The following ADAMTS19 variants were observed in gnomAD, a reference collection of about 807,000 sequenced individuals.
ADAMTS19 encodes ADAM metallopeptidase with thrombospondin type 1 motif 19.
A neutral mutation model predicts 153.3 loss-of-function variants in ADAMTS19; 93 were observed. The ratio of observed to expected loss-of-function variants is 0.61; its 90% CI spans 0.51 to 0.72. The LOEUF (loss-of-function observed/expected upper bound fraction) is 0.72, where lower values mean the gene tolerates loss of function less well. Among genes scored for constraint, ADAMTS19 ranks in the 30% least tolerant of loss-of-function variants. The pLI is 0.00. For missense variants in ADAMTS19, 1,482 were observed against 1,552.1 expected, an observed-to-expected ratio of 0.95 and a Z score of 0.76; for synonymous variants, 600 against 556.6, an observed-to-expected ratio of 1.08 and a Z score of -1.10.
intron 19 of ADAMTS19, among the ~76,000 whole-genome samples, chr5:129,698,278 C>T (rs544957559): frequency 5.3e-5 from 8 of 152,248 alleles, no homozygotes; most frequent in Non-Finnish European, 1.0e-4. Context: ...TGAACATGGG[C>T]AATTATTAAG....
At chr5:129,638,564 CACACACACACAT>C (rs150596148) in intron 10 of ADAMTS19, among the ~76,000 whole-genome samples, 28,507 of 125,166 alleles carry the variant, frequency 0.23, 2,810 homozygotes, top group African/African-American at 0.33. Flanking sequence ...CTCTGTCTCA[CACACACACACAT>C]ACACACACAC....
chr5:129,516,434 C>T (rs2126738565), intron 3 of ADAMTS19, among the ~76,000 whole-genome samples: 1 of 151,738 alleles, frequency 6.6e-6, no homozygotes, highest in South Asian at 2.1e-4. Flanking sequence ...GGGTCCTGGA[C>T]TTGACTTTAC....
intron 16 of ADAMTS19, among the ~76,000 whole-genome samples, chr5:129,666,611 A>G (rs1489997962): frequency 6.6e-6 from 1 of 152,180 alleles, no homozygotes; most frequent in African/African-American, 2.4e-5. Context: ...ATTTGAGGAA[A>G]GGGGACTGTA....
At chr5:129,592,418 C>T (rs1307664757) in intron 7 of ADAMTS19, among the ~76,000 whole-genome samples, 1 of 150,038 alleles carries the variant, frequency 6.7e-6, no homozygotes, top group African/African-American at 2.5e-5. Flanking sequence ...AAAAGGGCCT[C>T]TATTGCATCT....
chr5:129,475,999 C>G (rs1379169411), intron 2 of ADAMTS19, among the ~76,000 whole-genome samples: 1 of 152,056 alleles, frequency 6.6e-6, no homozygotes, highest in Non-Finnish European at 1.5e-5. Flanking sequence ...GAGATTTTAT[C>G]TTAAACAATG....
chr5:129,629,034 T>C (rs1379759090), intron 10 of ADAMTS19, among the ~76,000 whole-genome samples: 1 of 151,872 alleles, frequency 6.6e-6, no homozygotes, highest in Non-Finnish European at 1.5e-5. Context: ...CTATGTGGAG[T>C]CACCCTACCT....
chr5:129,527,816 G>A lies in ADAMTS19; in HGVS notation c.1155G>A (p.Leu385=). The change falls in exon 5 of 23, where the codon CTG becomes CTA. Residue 385 remains leucine, a synonymous_variant. Transcript: ENST00000274487. ...ATCTTCGTGTGATAAAGCTTATTCT[G>A]CTCCATGAAACTCCAGTAAGAAAGT... ...QVNLRVIKLI[L]LHETPPELYI... is the part of the protein sequence containing the mutation. 1.3e-6 allele frequency: 2 copies of A among 1,590,726 alleles called. No homozygotes were observed. The highest frequency in any genetic ancestry group is 8.6e-7 in the Non-Finnish European group (1 of 1,164,322).
At chr5:129,697,204 A>G (rs1420529271) in intron 19 of ADAMTS19, among the ~76,000 whole-genome samples, 5 of 152,272 alleles carry the variant, frequency 3.3e-5, no homozygotes, top group African/African-American at 1.2e-4. Flanking sequence ...TTTTAATGTC[A>G]ATGCTGTTCA....
At chr5:129,528,274 T>C (rs985931411) in intron 5 of ADAMTS19, among the ~76,000 whole-genome samples, 1 of 152,066 alleles carries the variant, frequency 6.6e-6, no homozygotes, top group Non-Finnish European at 1.5e-5. Flanking sequence ...TTCCATATTC[T>C]TAATTGAACC....
Position 129,461,719 on chromosome 5 carries a change from G to T in ADAMTS19, c.709G>T (p.Gly237Cys). The T allele has an allele frequency of 6.6e-7, 1 of 1,511,096 alleles. No individual in the cohort carries two copies. The highest frequency in any genetic ancestry group is 8.8e-7 in the Non-Finnish European group (1 of 1,134,574). The allele number at this position is 1,511,096 out of a possible 1,614,324, so 93.6% of individuals were successfully genotyped here. A position where few individuals can be genotyped will look rare whatever the true frequency, so the allele number is the denominator to read the frequency against. Residue 237 changes from glycine (G) to cysteine (C), a missense_variant, in exon 2 of 23, where the codon GGC (glycine) becomes TGC (cysteine). This residue lies in a region of ADAMTS19 where 866 missense variants were observed against 827.7 expected (regional missense o/e 1.05). Coordinates refer to ENST00000274487, the MANE Select transcript of ADAMTS19 (RefSeq NM_133638.6). This position sits in a 1 kb window ranked among gnomAD's most constrained non-coding sequence, Gnocchi z 4.6. ...CACCGGAGCTGTGCTGCGGCACCCT[G>T]GCTCGCTGGCTTCTTTCAGCACCTG... ...FYTGAVLRHP[G>C]SLASFSTCGG...
chr5:129,623,886 C>G (rs6881844), intron 10 of ADAMTS19, among the ~76,000 whole-genome samples: 14 of 151,302 alleles, frequency 9.3e-5, no homozygotes, highest in Non-Finnish European at 1.6e-4. Flanking sequence ...TTTGGGAGGC[C>G]GAGACGGGCG....
chr5:129,563,707 G>A (rs1753603378), intron 7 of ADAMTS19, among the ~76,000 whole-genome samples: 1 of 152,146 alleles, frequency 6.6e-6, no homozygotes, highest in African/African-American at 2.4e-5. Context: ...GAGATATGCT[G>A]TTATAATGCA....
chr5:129,733,805 G>T (rs569472724), intron 21 of ADAMTS19, among the ~76,000 whole-genome samples: 2 of 152,038 alleles, frequency 1.3e-5, no homozygotes, highest in South Asian at 2.1e-4. Context: ...CCACTATTGG[G>T]TATCTATCCA....
chr5:129,529,679 A>G (rs189665676), intron 6 of ADAMTS19, among the ~76,000 whole-genome samples: 152 of 152,260 alleles, frequency 1.0e-3, no homozygotes, highest in Middle Eastern at 3.4e-3. Flanking sequence ...GCAAGCTAGA[A>G]TCTAGGTAGA....
chr5:129,562,704 A>G (rs1753565280), intron 7 of ADAMTS19, among the ~76,000 whole-genome samples: 1 of 152,128 alleles, frequency 6.6e-6, no homozygotes, highest in Admixed American at 6.5e-5. Flanking sequence ...GAAAATTGGT[A>G]AATACTTAAA....
chr5:129,634,148 C>G (rs1752429266), intron 10 of ADAMTS19, among the ~76,000 whole-genome samples: 1 of 152,100 alleles, frequency 6.6e-6, no homozygotes, highest in Non-Finnish European at 1.5e-5. Flanking sequence ...TTCGGTTTCC[C>G]TCAAAAGTGT....
At chr5:129,528,384 T>C in intron 5 of ADAMTS19, 136 bp from the exon 6 acceptor site, 1 of 597,748 alleles carries the variant, frequency 1.7e-6, no homozygotes, top group Non-Finnish European at 2.6e-6. Context: ...CCTGCATGTC[T>C]TCCAGGTTCT....
intron 3 of ADAMTS19, among the ~76,000 whole-genome samples, chr5:129,515,801 T>C (rs1187953040): frequency 6.6e-6 from 1 of 152,018 alleles, no homozygotes; most frequent in African/African-American, 2.4e-5. Flanking sequence ...CTGATTGTTC[T>C]AGCTAGGACT....
At chr5:129,658,347 A>AAGAAAGAGAGAGAGAGAGAGAGAGAGAG (rs1753665183) in intron 14 of ADAMTS19, among the ~76,000 whole-genome samples, 9 of 116,040 alleles carry the variant, frequency 7.8e-5, no homozygotes, top group African/African-American at 2.9e-4. Flanking sequence ...GAAAGAAAGA[A>AAGAAAGAGAGAGAGAGAGAGAGAGAGAG]AGAAAGAAAG....
Sources: gnomAD v4.1 joint callset for allele counts (sites outside exome capture counted in the v4.1 genomes callset) on GRCh38, gnomAD v4.1.1 for gene constraint, gnomAD v4.1.1 regional missense constraint, Gnocchi (gnomAD v3.1) non-coding constraint, MANE v1.5 for transcripts, NCBI Gene and HGNC (gene_info 2026-07-23, HGNC 2026-07-21) for gene names.